Variants in PDLIM5 observed in about 807,000 individuals in gnomAD.
PDLIM5 encodes PDZ and LIM domain protein 5.
PDLIM5 carries 34 observed loss-of-function variants against 64.2 expected under a neutral mutation model. The observed-to-expected ratio is 0.53, with a 90% confidence interval of 0.40 to 0.71. The LOEUF (loss-of-function observed/expected upper bound fraction) is 0.71. Among genes scored for constraint, PDLIM5 ranks in the 30% least tolerant of loss-of-function variants. The pLI is 0.00. For synonymous variants in PDLIM5, 253 were observed against 269.1 expected, an observed-to-expected ratio of 0.94 and a Z score of 0.59; for missense variants, 683 against 733.6, an observed-to-expected ratio of 0.93 and a Z score of 0.80.
In PDLIM5 at chr4:94,573,413, C is replaced by T. The variant is rs2110278259; in HGVS notation, c.291+20C>T. On this transcript the variant is annotated intron_variant, in intron 4 of 12. Coordinates refer to ENST00000317968, the MANE Select transcript of PDLIM5 (RefSeq NM_006457.5). ...CAAAAGGTGTGTTTTTAAGCTAGCACCCAGAGTATCACTTGATTGTCCTTG... is the reference window on the plus strand; with the variant it reads ...CAAAAGGTGTGTTTTTAAGCTAGCATCCAGAGTATCACTTGATTGTCCTTG... 3.2e-6 allele frequency: 5 copies of T among 1,586,376 alleles called. No homozygotes were observed. In the East Asian group the frequency reaches 1.1e-4, roughly 35 times the overall value.
intron 9 of PDLIM5, among the ~76,000 whole-genome samples, chr4:94,648,582 G>A (rs750372887): frequency 2.4e-4 from 36 of 152,298 alleles, no homozygotes; most frequent in Non-Finnish European, 2.6e-4. Flanking sequence ...TTATAGGCGT[G>A]AGCCACCGCA....
intron 8 of PDLIM5, among the ~76,000 whole-genome samples, chr4:94,637,217 A>G (rs1740641934): frequency 6.6e-6 from 1 of 152,214 alleles, no homozygotes; most frequent in Non-Finnish European, 1.5e-5. Context: ...CATAAATTAA[A>G]AAAGTGGTAC....
intron 4 of PDLIM5, among the ~76,000 whole-genome samples, chr4:94,575,360 A>G (rs1424637292): frequency 6.6e-6 from 1 of 152,170 alleles, no homozygotes; most frequent in Non-Finnish European, 1.5e-5. Flanking sequence ...TGTATTTCCG[A>G]AATATTTTGA....
At chr4:94,497,552 T>G (rs867513057) in intron 2 of PDLIM5, among the ~76,000 whole-genome samples, 1 of 152,214 alleles carries the variant, frequency 6.6e-6, no homozygotes, top group African/African-American at 2.4e-5. Flanking sequence ...TTTTAAGATA[T>G]CTTTCTGAGG....
chr4:94,483,478 A>T (rs1266341647), intron 2 of PDLIM5, among the ~76,000 whole-genome samples: 1 of 152,102 alleles, frequency 6.6e-6, no homozygotes, highest in African/African-American at 2.4e-5. Context: ...ATTATTTTTA[A>T]AAGTTTGTTT....
intron 2 of PDLIM5, among the ~76,000 whole-genome samples, chr4:94,492,948 G>C (rs1384878201): frequency 6.6e-6 from 1 of 152,156 alleles, no homozygotes; most frequent in African/African-American, 2.4e-5. Flanking sequence ...GGAACTATGA[G>C]ACTATTTTCC....
At chr4:94,544,468 T>G (rs1396116169) in intron 3 of PDLIM5, among the ~76,000 whole-genome samples, 4 of 152,170 alleles carry the variant, frequency 2.6e-5, no homozygotes, top group African/African-American at 9.7e-5. Flanking sequence ...CTCAAGCAAG[T>G]GGCTCAAGAG....
chr4:94,555,868 C>T (rs990830532), intron 3 of PDLIM5, among the ~76,000 whole-genome samples: 1 of 151,328 alleles, frequency 6.6e-6, no homozygotes, highest in African/African-American at 2.4e-5. Flanking sequence ...AGTTAATTAA[C>T]TTGGGCAAGT....
At position 94,578,512 on chromosome 4, in the gene PDLIM5, G is replaced by T. The variant is rs560487969; in HGVS notation, c.710+2478G>T. On this transcript the variant is annotated intron_variant, in intron 5 of 12. Coordinates refer to ENST00000317968, the MANE Select transcript of PDLIM5 (RefSeq NM_006457.5). ...CTAGATATTAGGACAATAAAAACTT[G>T]ATTACTCTGAAAATAAAGTGTGTTG... 3.9e-5 allele frequency among the ~76,000 whole-genome samples: 6 copies of T among 152,250 alleles called. No homozygotes were observed. In the South Asian group the frequency reaches 8.3e-4, roughly 21 times the overall value.
intron 3 of PDLIM5, among the ~76,000 whole-genome samples, chr4:94,532,067 T>G (rs1730921514): frequency 6.6e-6 from 1 of 152,164 alleles, no homozygotes; most frequent in Non-Finnish European, 1.5e-5. Context: ...TTTATAACCC[T>G]ATTGACTATA....
chr4:94,572,142 A>G (rs1224366175), intron 3 of PDLIM5, among the ~76,000 whole-genome samples: 6 of 152,156 alleles, frequency 3.9e-5, no homozygotes, highest in African/African-American at 1.4e-4. Context: ...TTTAAAGTAA[A>G]ACAAGCTCAT....
intron 2 of PDLIM5, among the ~76,000 whole-genome samples, chr4:94,462,446 C>T (rs778635978): frequency 5.7e-4 from 86 of 151,960 alleles, no homozygotes; most frequent in Non-Finnish European, 2.2e-4. Flanking sequence ...TACCACTACA[C>T]TGTGTTTGGA....
At chr4:94,453,835 G>A (rs1295936804) in intron 1 of PDLIM5, among the ~76,000 whole-genome samples, 2 of 152,084 alleles carry the variant, frequency 1.3e-5, no homozygotes, top group African/African-American at 4.8e-5. Context: ...AGTGCTCTGT[G>A]CCTATTACTT....
chr4:94,530,748 A>G (rs1438056243), intron 3 of PDLIM5, among the ~76,000 whole-genome samples: 2 of 152,136 alleles, frequency 1.3e-5, no homozygotes, highest in African/African-American at 4.8e-5. Context: ...CCTTCAAACA[A>G]CAAAAAGATT....
intron 2 of PDLIM5, among the ~76,000 whole-genome samples, chr4:94,522,365 G>A (rs1197489620): frequency 6.6e-6 from 1 of 151,944 alleles, no homozygotes; most frequent in Non-Finnish European, 1.5e-5. Context: ...AGTTAACCAT[G>A]TTTATCATTT....
intron 2 of PDLIM5, among the ~76,000 whole-genome samples, chr4:94,484,447 T>A (rs1038618830): frequency 2.6e-5 from 4 of 152,206 alleles, no homozygotes; most frequent in Non-Finnish European, 5.9e-5. Flanking sequence ...TTTGCGTGGA[T>A]CACTATATAT....
intron 2 of PDLIM5, among the ~76,000 whole-genome samples, chr4:94,475,698 A>G (rs918226421): frequency 1.3e-5 from 2 of 152,216 alleles, no homozygotes; most frequent in African/African-American, 4.8e-5. Context: ...GCACAACAAT[A>G]TGAATATACT....
intron 5 of PDLIM5, among the ~76,000 whole-genome samples, chr4:94,578,502 A>G (rs1735469375): frequency 1.3e-5 from 2 of 152,224 alleles, no homozygotes; most frequent in African/African-American, 4.8e-5. Context: ...TATTAGGACA[A>G]TAAAAACTTG....
intron 9 of PDLIM5, among the ~76,000 whole-genome samples, chr4:94,643,715 A>G (rs1741183743): frequency 6.6e-6 from 1 of 152,192 alleles, no homozygotes. Context: ...CAGCACCAGA[A>G]AAACTATATA....
Sources: allele counts gnomAD v4.1 joint callset (sites outside exome capture counted in the v4.1 genomes callset), GRCh38; gene constraint gnomAD v4.1.1; transcripts MANE v1.5; gene names NCBI Gene and HGNC (gene_info 2026-07-23, HGNC 2026-07-21).